The following KCNIP4 variants were observed in gnomAD, a reference collection of about 807,000 sequenced individuals.
The protein encoded by KCNIP4 is potassium voltage-gated channel interacting protein 4, also known as Kv channel-interacting protein 4.
In KCNIP4, 12 loss-of-function variants were observed where a neutral mutation model predicts 34.0. That is an observed-to-expected ratio of 0.35 (90% CI 0.23 to 0.57). The LOEUF (loss-of-function observed/expected upper bound fraction) is 0.57. Ranked by LOEUF, KCNIP4 falls within the 20% of genes least tolerant of loss-of-function variation. The pLI, the probability that KCNIP4 is intolerant of heterozygous loss-of-function variation, is 0.83. For synonymous variants in KCNIP4, 124 were observed against 102.2 expected (o/e 1.21, Z -1.29); for missense variants, 238 against 311.7 (o/e 0.76, Z 1.78).
At chr4:21,289,209 G>A (rs1414325267) in intron 1 of KCNIP4, among the ~76,000 whole-genome samples, 1 of 152,100 alleles carries the variant, frequency 6.6e-6, no homozygotes, top group Non-Finnish European at 1.5e-5. Flanking sequence ...TTGATATTTT[G>A]ATACAGGCAT....
intron 1 of KCNIP4, among the ~76,000 whole-genome samples, chr4:21,320,224 A>T (rs936478122): frequency 6.6e-6 from 1 of 152,214 alleles, no homozygotes; most frequent in African/African-American, 2.4e-5. Flanking sequence ...GGAAGCAGAT[A>T]AGCAGAGTTT....
At chr4:21,724,795 C>T (rs1715075044) in intron 1 of KCNIP4, among the ~76,000 whole-genome samples, 1 of 152,008 alleles carries the variant, frequency 6.6e-6, no homozygotes, top group Non-Finnish European at 1.5e-5. Flanking sequence ...ATATCTTCTG[C>T]TCAGTGAAGA....
intron 1 of KCNIP4, among the ~76,000 whole-genome samples, chr4:21,231,972 G>C (rs2109022416): frequency 6.6e-6 from 1 of 152,260 alleles, no homozygotes; most frequent in East Asian, 1.9e-4. Context: ...CGATAGACAA[G>C]GGCACACATA....
intron 3 of KCNIP4, among the ~76,000 whole-genome samples, chr4:20,785,136 C>A (rs1002375401): frequency 6.6e-6 from 1 of 152,054 alleles, no homozygotes. Context: ...AGCCAAGCAT[C>A]CCACATCAAG....
At chr4:21,307,011 G>A (rs150548599) in intron 1 of KCNIP4, among the ~76,000 whole-genome samples, 2,578 of 152,074 alleles carry the variant, frequency 0.017, 77 homozygotes, top group African/African-American at 0.059. Flanking sequence ...TAGTAGAGAC[G>A]GGGTTTCTCC....
intron 1 of KCNIP4, among the ~76,000 whole-genome samples, chr4:21,615,965 G>T (rs1277838666): frequency 1.3e-5 from 2 of 152,052 alleles, no homozygotes; most frequent in African/African-American, 4.8e-5. Flanking sequence ...TGCCCTTTAT[G>T]GTCTATTCTG....
At position 21,483,301 on chromosome 4, in the gene KCNIP4, TAATAA is replaced by T. The variant is rs1263494430; in HGVS notation, c.61+465265_61+465269del. Among the ~76,000 whole-genome samples the T allele has an allele frequency of 7.2e-5, 11 of 152,018 alleles. 1 individual carries two copies. The highest frequency in any genetic ancestry group is 2.7e-4 in the African/African-American group (11 of 41,416). On this transcript the variant is annotated intron_variant, in intron 1 of 8. Transcript: ENST00000382152. ...AAATGTTTAAAATTCTTCATCAAAT[TAATAA>T]TAAGAACTGACGTTTGTTAATATGG...
At chr4:21,115,681 T>C (rs986911612) in intron 1 of KCNIP4, among the ~76,000 whole-genome samples, 2 of 152,130 alleles carry the variant, frequency 1.3e-5, no homozygotes, top group African/African-American at 4.8e-5. Context: ...TCAATAATGA[T>C]AAATTGGATT....
At chr4:21,352,753 G>A (rs781209634) in intron 1 of KCNIP4, among the ~76,000 whole-genome samples, 13 of 152,208 alleles carry the variant, frequency 8.5e-5, no homozygotes, top group Non-Finnish European at 1.6e-4. Flanking sequence ...ATCCCCGTCT[G>A]ACAGCTCTGA....
chr4:21,661,702 T>C (rs1035416520), intron 1 of KCNIP4, among the ~76,000 whole-genome samples: 40 of 152,256 alleles, frequency 2.6e-4, no homozygotes, highest in African/African-American at 9.4e-4. Flanking sequence ...CTAGACAAAA[T>C]CTCTTCTCCT....
Position 21,080,597 on chromosome 4 carries a change from C to T in KCNIP4, c.62-197888G>A, listed in dbSNP as rs1346622047. 2.0e-5 allele frequency among the ~76,000 whole-genome samples: 3 copies of T among 151,702 alleles called. 1 individual carries two copies. Among genetic ancestry groups the T allele is most frequent in the African/African-American group, 7.3e-5 (3 of 41,178 alleles). ...ACAATAAATTTACAGAGTACTTTAC[C>T]TTAACAATGTTTTATAGCATGTGAT... On this transcript the variant is annotated intron_variant, in intron 1 of 8. Coordinates refer to ENST00000382152, the MANE Select transcript of KCNIP4 (RefSeq NM_025221.6).
intron 1 of KCNIP4, among the ~76,000 whole-genome samples, chr4:21,886,411 C>G (rs1726765828): frequency 6.6e-6 from 1 of 152,080 alleles, no homozygotes; most frequent in South Asian, 2.1e-4. Flanking sequence ...TTCTGAAGGT[C>G]CTCCCATTTC....
At chr4:21,709,799 C>T (rs114095408) in intron 1 of KCNIP4, among the ~76,000 whole-genome samples, 2,655 of 152,296 alleles carry the variant, frequency 0.017, 78 homozygotes, top group African/African-American at 0.053. Context: ...GTCTTGTCTA[C>T]ACCAGGTTAC....
At chr4:21,693,677 G>T (rs1299663083) in intron 1 of KCNIP4, among the ~76,000 whole-genome samples, 1 of 152,174 alleles carries the variant, frequency 6.6e-6, no homozygotes, top group Non-Finnish European at 1.5e-5. Context: ...GAAAACTTGT[G>T]AAACAAATGG....
chr4:21,354,396 G>A (rs1718350178), intron 1 of KCNIP4, among the ~76,000 whole-genome samples: 1 of 152,122 alleles, frequency 6.6e-6, no homozygotes, highest in East Asian at 1.9e-4. Context: ...GCTGTATTCA[G>A]GAGACCCATC....
chr4:21,582,658 T>C (rs1055285644), intron 1 of KCNIP4, among the ~76,000 whole-genome samples: 2 of 152,024 alleles, frequency 1.3e-5, no homozygotes, highest in Non-Finnish European at 2.9e-5. Context: ...TATTTTTCCA[T>C]TTATTGAGTT....
intron 4 of KCNIP4, among the ~76,000 whole-genome samples, chr4:20,754,649 T>G (rs1754198695): frequency 1.3e-5 from 2 of 152,214 alleles, no homozygotes; most frequent in Non-Finnish European, 2.9e-5. Context: ...TGCATTCAAT[T>G]AACATGAATA....
intron 1 of KCNIP4, among the ~76,000 whole-genome samples, chr4:21,552,007 G>A (rs1577581331): frequency 6.9e-6 from 1 of 144,566 alleles, no homozygotes. Context: ...AGGTTATTGT[G>A]AAGATTGAAA....
intron 1 of KCNIP4, among the ~76,000 whole-genome samples, chr4:20,894,723 T>C (rs1206813866): frequency 6.6e-6 from 1 of 152,198 alleles, no homozygotes; most frequent in African/African-American, 2.4e-5. Context: ...GGCAAAAACA[T>C]AGTCCTTGCT....
Sources: gnomAD v4.1 joint callset for allele counts (sites outside exome capture counted in the v4.1 genomes callset) on GRCh38, gnomAD v4.1.1 for gene constraint, MANE v1.5 for transcripts, NCBI Gene and HGNC (gene_info 2026-07-23, HGNC 2026-07-21) for gene names.